Variants in PRELID2 observed in about 807,000 individuals in gnomAD.
The protein encoded by PRELID2 is PRELI domain-containing protein 2.
PRELID2 carries 25 observed loss-of-function variants against 28.4 expected under a neutral mutation model. The observed-to-expected ratio is 0.88, with a 90% CI of 0.64 to 1.23. The LOEUF (loss-of-function observed/expected upper bound fraction) is 1.23, where lower values mean the gene tolerates loss of function less well. Among genes scored for constraint, PRELID2 ranks in the 50% most tolerant of loss-of-function variants. The pLI is 0.00. For synonymous variants in PRELID2, 76 were observed against 71.6 expected (o/e 1.06, Z -0.31); for missense variants, 201 against 214.4 (o/e 0.94, Z 0.39).
At chr5:145,700,521 T>A (rs1475409874) in intron 1 of PRELID2, among the ~76,000 whole-genome samples, 1 of 151,878 alleles carries the variant, frequency 6.6e-6, no homozygotes, top group African/African-American at 2.4e-5. Context: ...AATCTCTCCA[T>A]AATCTAGCAA....
At chr5:145,681,019 G>A (rs1374399997) in intron 1 of PRELID2, among the ~76,000 whole-genome samples, 1 of 152,194 alleles carries the variant, frequency 6.6e-6, no homozygotes, top group African/African-American at 2.4e-5. Flanking sequence ...TGACAGCAGA[G>A]GATAATGAAC....
At chr5:145,762,165 G>C (rs1757505571) in intron 6 of PRELID2, among the ~76,000 whole-genome samples, 1 of 152,254 alleles carries the variant, frequency 6.6e-6, no homozygotes, top group African/African-American at 2.4e-5. Context: ...TCATTGCATT[G>C]AATGCATTAA....
intron 1 of PRELID2, among the ~76,000 whole-genome samples, chr5:145,688,449 T>C (rs907175151): frequency 6.6e-6 from 1 of 152,166 alleles, no homozygotes; most frequent in Non-Finnish European, 1.5e-5. Flanking sequence ...CAGCTACCTA[T>C]TGAGTTCTAG....
chr5:145,783,546 A>G (rs1751773678), intron 5 of PRELID2, among the ~76,000 whole-genome samples: 1 of 152,194 alleles, frequency 6.6e-6, no homozygotes, highest in Non-Finnish European at 1.5e-5. Context: ...TATTCTCAGG[A>G]CAGCTAATGA....
In PRELID2 at chr5:145,787,377, G is replaced by A. The variant is rs184917977; in HGVS notation, c.474+9065C>T. ...TCACCAAAACGTTCTTTTGCTTTGC[G>A]TTTGGAAATTTTTGGTTTGAGATTT... On this transcript the variant is annotated intron_variant, in intron 5 of 6. Coordinates refer to ENST00000683046, the MANE Select transcript of PRELID2 (RefSeq NM_205846.3). 1.6e-4 allele frequency among the ~76,000 whole-genome samples: 25 copies of A among 152,212 alleles called. No homozygotes were observed. In the East Asian group the frequency reaches 2.9e-3, roughly 18 times the overall value.
chr5:145,509,959 GTTAAGTAATTATATTAC>G (rs1272542684), intron 1 of PRELID2, among the ~76,000 whole-genome samples: 1 of 152,078 alleles, frequency 6.6e-6, no homozygotes, highest in Non-Finnish European at 1.5e-5. Flanking sequence ...TGCTCTCGTT[GTTAAGTAATTATATTAC>G]TTAATGTGAT....
the PRELID2 span, among the ~76,000 whole-genome samples, chr5:145,372,374 C>G: frequency 6.6e-6 from 1 of 151,856 alleles, no homozygotes; most frequent in African/African-American, 2.4e-5. Context: ...ATTACATGGT[C>G]AATTTTAGAA....
chr5:145,327,418 T>A, the PRELID2 span, among the ~76,000 whole-genome samples: 1 of 152,110 alleles, frequency 6.6e-6, no homozygotes, highest in African/African-American at 2.4e-5. Flanking sequence ...TTTTGTACGA[T>A]ATAATTAAAG....
chr5:145,638,509 T>C (rs1561527723), intron 1 of PRELID2, among the ~76,000 whole-genome samples: 1 of 152,214 alleles, frequency 6.6e-6, no homozygotes, highest in Non-Finnish European at 1.5e-5. Flanking sequence ...ATCTTACCCT[T>C]GCTATTCAAT....
the PRELID2 span, among the ~76,000 whole-genome samples, chr5:145,334,951 G>T: frequency 2.0e-5 from 3 of 151,712 alleles, no homozygotes. Context: ...AATATATCTT[G>T]GTGTTACGTT....
chr5:145,764,746 GA>G (rs1215180889), intron 6 of PRELID2, among the ~76,000 whole-genome samples, 184 bp downstream of exon 6: 1 of 152,130 alleles, frequency 6.6e-6, no homozygotes, highest in South Asian at 2.1e-4. Flanking sequence ...AAACTGCTCT[GA>G]AAATCAAAGA....
the PRELID2 span, among the ~76,000 whole-genome samples, chr5:145,415,266 T>C: frequency 5.3e-5 from 8 of 152,062 alleles, no homozygotes; most frequent in Non-Finnish European, 1.0e-4. Context: ...TTTTTTATTT[T>C]ATTTTCTTTT....
intron 1 of PRELID2, among the ~76,000 whole-genome samples, chr5:145,608,482 A>AT (rs1192757210): frequency 6.6e-6 from 1 of 152,084 alleles, no homozygotes; most frequent in Non-Finnish European, 1.5e-5. Context: ...AAAGGATCTT[A>AT]TTTCTCCATC....
chr5:145,511,039 C>T (rs1038366015), intron 1 of PRELID2, among the ~76,000 whole-genome samples: 11 of 152,270 alleles, frequency 7.2e-5, no homozygotes, highest in Admixed American at 3.9e-4. Flanking sequence ...AACAATATCA[C>T]CAGGAGGCTG....
the PRELID2 span, among the ~76,000 whole-genome samples, chr5:145,304,267 T>A: frequency 1.3e-5 from 2 of 152,298 alleles, no homozygotes; most frequent in East Asian, 3.9e-4. Context: ...ATGAAAGCAT[T>A]ATTATGATTA....
At chr5:145,459,923 C>A in the PRELID2 span, among the ~76,000 whole-genome samples, 1 of 151,896 alleles carries the variant, frequency 6.6e-6, no homozygotes. Flanking sequence ...AATTCTCCTG[C>A]CTCAGCCTCC....
the PRELID2 span, among the ~76,000 whole-genome samples, chr5:145,400,811 A>G: frequency 6.6e-6 from 1 of 152,124 alleles, no homozygotes; most frequent in Non-Finnish European, 1.5e-5. Context: ...CCTACCATCA[A>G]CCATGACCTG....
intron 1 of PRELID2, among the ~76,000 whole-genome samples, chr5:145,736,414 C>T (rs1417801533): frequency 6.6e-6 from 1 of 152,048 alleles, no homozygotes; most frequent in Non-Finnish European, 1.5e-5. Flanking sequence ...AAGACAGTGA[C>T]TACTAGCCTC....
At chr5:145,673,439 C>T (rs372800196) in intron 1 of PRELID2, among the ~76,000 whole-genome samples, 1 of 151,742 alleles carries the variant, frequency 6.6e-6, no homozygotes, top group Non-Finnish European at 1.5e-5. Flanking sequence ...TTAGACAGAG[C>T]ATCCAGATCT....
Sources: gnomAD v4.1 joint callset for allele counts (sites outside exome capture counted in the v4.1 genomes callset) on GRCh38, gnomAD v4.1.1 for gene constraint, MANE v1.5 for transcripts, NCBI Gene and HGNC (gene_info 2026-07-23, HGNC 2026-07-21) for gene names.